The following LHPP variants were observed in gnomAD, a reference collection of about 807,000 sequenced individuals.
The protein encoded by LHPP is phospholysine phosphohistidine inorganic pyrophosphate phosphatase.
LHPP carries 24 observed loss-of-function variants against 30.3 expected under a neutral mutation model. That is an observed-to-expected ratio of 0.79 (90% CI 0.57 to 1.11). The LOEUF (loss-of-function observed/expected upper bound fraction) is 1.11, where lower values mean the gene tolerates loss of function less well. Among genes scored for constraint, LHPP ranks in the 50% most tolerant of loss-of-function variants. LHPP has a pLI of 0.00. For synonymous variants in LHPP, 150 were observed against 157.1 expected, an observed-to-expected ratio of 0.95 and a Z score of 0.34; for missense variants, 356 against 367.2, an observed-to-expected ratio of 0.97 and a Z score of 0.25.
chr10:124,579,812 A>G (rs1948721602), intron 6 of LHPP, among the ~76,000 whole-genome samples: 1 of 152,208 alleles, frequency 6.6e-6, no homozygotes, highest in Admixed American at 6.5e-5. Context: ...TGGAGCAAAC[A>G]TGTATGTTCT....
intron 6 of LHPP, among the ~76,000 whole-genome samples, chr10:124,530,829 C>G (rs1450623169): frequency 6.6e-6 from 1 of 152,342 alleles, no homozygotes; most frequent in African/African-American, 2.4e-5. Context: ...GGGCCGAGGG[C>G]CACCATCAGA....
At chr10:124,487,066 A>G (rs905504947) in intron 2 of LHPP, among the ~76,000 whole-genome samples, 3 of 152,368 alleles carry the variant, frequency 2.0e-5, no homozygotes, top group Middle Eastern at 3.4e-3. Flanking sequence ...ATGTATCAGC[A>G]GTGTTGTTCA....
At chr10:124,603,232 G>T (rs990242892) in intron 6 of LHPP, among the ~76,000 whole-genome samples, 43 of 152,312 alleles carry the variant, frequency 2.8e-4, no homozygotes, top group Admixed American at 2.6e-4. Context: ...GGCACGGGTG[G>T]TTTGGGCTGG....
intron 5 of LHPP, among the ~76,000 whole-genome samples, chr10:124,508,261 G>T (rs966181790): frequency 6.6e-6 from 1 of 152,138 alleles, no homozygotes; most frequent in Non-Finnish European, 1.5e-5. Flanking sequence ...CCTCCCAGCC[G>T]TGGGCATTTT....
intron 5 of LHPP, among the ~76,000 whole-genome samples, chr10:124,506,696 G>A (rs751892031): frequency 2.8e-4 from 22 of 77,522 alleles, no homozygotes; most frequent in Non-Finnish European, 4.2e-4. Flanking sequence ...ATTTCAGGTT[G>A]GCGGGTAGGG....
rs567907222 is a variant in LHPP at position 124,570,146 on chromosome 10, G to A, written c.717-43118G>A. On this transcript the variant is annotated intron_variant, in intron 6 of 6. Coordinates refer to ENST00000368842, the MANE Select transcript of LHPP (RefSeq NM_022126.4). ...TCCCTCCCTGGCTTCAATCTCCTTG[G>A]TAGCTTCCAGGATTACTCTTAGGAG... is the stretch of plus-strand genomic sequence containing the variant. 3.8e-4 allele frequency among the ~76,000 whole-genome samples: 58 copies of A among 152,298 alleles called. 1 individual carries two copies. Among genetic ancestry groups the A allele is most frequent in the African/African-American group, 1.3e-3 (55 of 41,560 alleles).
Position 124,613,347 on chromosome 10 carries a change from A to G in LHPP, c.800A>G (p.His267Arg), listed in dbSNP as rs1019137259. 6 of 1,612,220 alleles carry G rather than the reference A, an allele frequency of 3.7e-6. No homozygotes were observed. The Admixed American group carries it at 5.0e-5, about 13-fold the overall frequency. Reference protein sequence around the residue: ...LAEAVDLLLQHADK With the variant: ...LAEAVDLLLQRADK ...GAGGCAGTGGACCTGCTGCTGCAGCACGCCGACAAGTGATGGCCTCCTGGG... is the reference window on the plus strand; with the variant it reads ...GAGGCAGTGGACCTGCTGCTGCAGCGCGCCGACAAGTGATGGCCTCCTGGG... Residue 267 changes from histidine to arginine, a missense_variant, in exon 7 of 7, where the codon CAC (histidine) becomes CGC (arginine). Coordinates refer to ENST00000368842, the MANE Select transcript of LHPP (RefSeq NM_022126.4).
At position 124,576,554 on chromosome 10, in the gene LHPP, C is replaced by A. The variant is rs988428787; in HGVS notation, c.717-36710C>A. On this transcript the variant is annotated intron_variant, in intron 6 of 6. Coordinates refer to ENST00000368842, the MANE Select transcript of LHPP (RefSeq NM_022126.4). This position sits in a 1 kb window ranked among gnomAD's most constrained non-coding sequence, Gnocchi z 4.2. ...GCCCCCAGATCCCCCTTTGCTGCCA[C>A]CCCTATATCTTACCCCAGACTCCCC... Among the ~76,000 whole-genome samples the A allele has an allele frequency of 1.3e-5, 2 of 151,368 alleles. No homozygotes were observed. The highest frequency in any genetic ancestry group is 6.6e-5 in the Admixed American group (1 of 15,222).
At chr10:124,571,234 C>G (rs1218920824) in intron 6 of LHPP, among the ~76,000 whole-genome samples, 1 of 152,200 alleles carries the variant, frequency 6.6e-6, no homozygotes, top group East Asian at 1.9e-4. Context: ...TGATACACTT[C>G]CACTTTTTGG....
chr10:124,488,756 AT>A (rs974685305), intron 3 of LHPP, among the ~76,000 whole-genome samples, 181 bp downstream of exon 3: 7 of 151,730 alleles, frequency 4.6e-5, no homozygotes, highest in Non-Finnish European at 8.8e-5. Context: ...TCCTTTAATC[AT>A]TTCTTTAGGA....
intron 6 of LHPP, among the ~76,000 whole-genome samples, chr10:124,591,687 A>G (rs774935505): frequency 1.6e-4 from 25 of 151,982 alleles, no homozygotes; most frequent in Non-Finnish European, 3.5e-4. Context: ...TCAATTTCAG[A>G]TCTTTCCTCT....
At chr10:124,540,632 C>T (rs1589844807) in intron 6 of LHPP, among the ~76,000 whole-genome samples, 1 of 152,240 alleles carries the variant, frequency 6.6e-6, no homozygotes, top group African/African-American at 2.4e-5. Flanking sequence ...CACACCCCTG[C>T]ACTTTGGCTG....
chr10:124,466,071 A>G (rs1952545027), intron 1 of LHPP, among the ~76,000 whole-genome samples: 1 of 152,176 alleles, frequency 6.6e-6, no homozygotes, highest in South Asian at 2.1e-4. Context: ...GAAAGGACAC[A>G]AGTACAAGGT....
intron 1 of LHPP, among the ~76,000 whole-genome samples, chr10:124,470,526 C>T (rs1952697109): frequency 2.0e-5 from 3 of 152,024 alleles, no homozygotes; most frequent in African/African-American, 2.4e-5. Flanking sequence ...CAGCGAAGGC[C>T]AGGGCCAGGG....
intron 6 of LHPP, among the ~76,000 whole-genome samples, chr10:124,528,097 T>G (rs1954791897): frequency 6.6e-6 from 1 of 151,932 alleles, no homozygotes; most frequent in Non-Finnish European, 1.5e-5. Flanking sequence ...TCCTCATGTG[T>G]CAAGTGGGGC....
At chr10:124,503,848 A>G (rs988363237) in intron 5 of LHPP, among the ~76,000 whole-genome samples, 1 of 149,760 alleles carries the variant, frequency 6.7e-6, no homozygotes, top group African/African-American at 2.6e-5. Context: ...AATGTGTTTT[A>G]TATATAGAGA....
At chr10:124,462,087 G>C in intron 1 of LHPP, 100 bp downstream of exon 1, 1 of 1,069,628 alleles carries the variant, frequency 9.3e-7, no homozygotes, top group Non-Finnish European at 1.2e-6. Context: ...CGGGGCCGCG[G>C]CGCAGGCCCC....
At chr10:124,462,741 A>G (rs970076054) in intron 1 of LHPP, among the ~76,000 whole-genome samples, 2 of 152,250 alleles carry the variant, frequency 1.3e-5, no homozygotes, top group African/African-American at 4.8e-5. Context: ...TCTGTCGCCC[A>G]GGCTGGAGTG....
intron 1 of LHPP, among the ~76,000 whole-genome samples, chr10:124,475,345 G>A (rs1952911521): frequency 6.7e-6 from 1 of 149,696 alleles, no homozygotes; most frequent in African/African-American, 2.4e-5. Context: ...TTCGAGACCA[G>A]CCTGGCCAAC....
Sources: allele counts gnomAD v4.1 joint callset (sites outside exome capture counted in the v4.1 genomes callset), GRCh38; gene constraint gnomAD v4.1.1; non-coding constraint Gnocchi (gnomAD v3.1); transcripts MANE v1.5; gene names NCBI Gene and HGNC (gene_info 2026-07-23, HGNC 2026-07-21).